Variants in SLC28A1 observed in about 807,000 individuals in gnomAD.
SLC28A1 encodes solute carrier family 28 member 1.
In SLC28A1, 64 loss-of-function variants were observed where a neutral mutation model predicts 74.8. The observed-to-expected ratio is 0.86, with a 90% CI of 0.70 to 1.05. The LOEUF (loss-of-function observed/expected upper bound fraction) is 1.05. Among genes scored for constraint, SLC28A1 ranks in the 50% least tolerant of loss-of-function variants. SLC28A1 has a pLI of 0.00. For synonymous variants in SLC28A1, 359 were observed against 335.0 expected (o/e 1.07, Z -0.78); for missense variants, 828 against 822.8 (o/e 1.01, Z -0.08).
intron 6 of SLC28A1, among the ~76,000 whole-genome samples, chr15:84,897,720 T>G (rs1966154777): frequency 2.0e-5 from 3 of 152,234 alleles, no homozygotes; most frequent in African/African-American, 7.2e-5. Context: ...TATCTGTCAC[T>G]AGGTCTTATT....
At chr15:84,910,668 C>T (rs143876036) in intron 9 of SLC28A1, among the ~76,000 whole-genome samples, 149 of 152,284 alleles carry the variant, frequency 9.8e-4, no homozygotes, top group East Asian at 6.4e-3. Context: ...GCAGAGGTTG[C>T]AGTGAGCTGA....
At chr15:84,906,591 T>C (rs1484874963) in intron 8 of SLC28A1, among the ~76,000 whole-genome samples, 1 of 139,952 alleles carries the variant, frequency 7.1e-6, no homozygotes, top group Non-Finnish European at 1.5e-5. Flanking sequence ...CCTTCCTTCC[T>C]TCCTTCCTTC....
chr15:84,968,919 G>A, the SLC28A1 span, among the ~76,000 whole-genome samples: 1 of 152,184 alleles, frequency 6.6e-6, no homozygotes, highest in Non-Finnish European at 1.5e-5. Context: ...GGTAAGGGGA[G>A]AGGGAAAGGA....
At chr15:84,884,843 G>A (rs1298593635) in intron 1 of SLC28A1, 92 bp downstream of exon 1, 2 of 653,690 alleles carry the variant, frequency 3.1e-6, no homozygotes, top group East Asian at 2.8e-4. Context: ...AAAGCAGGTA[G>A]CGTCCTTTTT....
chr15:84,922,617 G>A (rs974637668), intron 11 of SLC28A1, among the ~76,000 whole-genome samples: 3 of 152,048 alleles, frequency 2.0e-5, no homozygotes, highest in Non-Finnish European at 2.9e-5. Flanking sequence ...TCATACACCC[G>A]AGTGACCCTT....
chr15:84,953,577 A>T, the SLC28A1 span, among the ~76,000 whole-genome samples: 1 of 152,094 alleles, frequency 6.6e-6, no homozygotes, highest in Non-Finnish European at 1.5e-5. Context: ...TAAAAATTTA[A>T]AAATTAGCCC....
chr15:84,894,372 CA>C (rs11408601), intron 5 of SLC28A1, among the ~76,000 whole-genome samples: 152 of 134,266 alleles, frequency 1.1e-3, no homozygotes, highest in East Asian at 2.2e-3. Flanking sequence ...ACCCTATCTC[CA>C]AAAAAAAAAA....
At chr15:84,890,374 A>T in intron 4 of SLC28A1, 69 bp from the exon 5 acceptor site, 1 of 1,100,894 alleles carries the variant, frequency 9.1e-7, no homozygotes, top group Non-Finnish European at 1.3e-6. Context: ...ACCTGAGTGG[A>T]GGTGCTGAGG....
At chr15:84,914,229 C>A (rs149657909) in intron 9 of SLC28A1, among the ~76,000 whole-genome samples, 1 of 152,314 alleles carries the variant, frequency 6.6e-6, no homozygotes, top group South Asian at 2.1e-4. Flanking sequence ...GGATTACAGG[C>A]GTGAGCCACT....
chr15:84,932,575 A>T (rs1971446711), intron 12 of SLC28A1, among the ~76,000 whole-genome samples: 1 of 152,212 alleles, frequency 6.6e-6, no homozygotes, highest in Admixed American at 6.5e-5. Context: ...CGTCACAGTA[A>T]GCATTCAAAG....
intron 10 of SLC28A1, among the ~76,000 whole-genome samples, chr15:84,920,706 GT>G (rs1157187347): frequency 2.7e-5 from 4 of 150,922 alleles, no homozygotes; most frequent in Admixed American, 6.6e-5. Context: ...TCCAAGGGGT[GT>G]GTGTGTGTGT....
At chr15:84,923,168 C>T (rs898456126) in intron 11 of SLC28A1, among the ~76,000 whole-genome samples, 1 of 152,160 alleles carries the variant, frequency 6.6e-6, no homozygotes, top group Admixed American at 6.5e-5. Context: ...GAACTCCTGA[C>T]CTCAGCCAAT....
the SLC28A1 span, among the ~76,000 whole-genome samples, chr15:84,965,709 T>G: frequency 5.9e-5 from 9 of 152,206 alleles, no homozygotes; most frequent in African/African-American, 2.2e-4. Flanking sequence ...TTACTGGTTT[T>G]AGCACTAAGA....
chr15:84,895,970 A>T (rs2141694851), intron 6 of SLC28A1: 1 of 970,154 alleles, frequency 1.0e-6, no homozygotes, highest in South Asian at 4.7e-5. Context: ...GAACACATTT[A>T]AAATTTTATT....
chr15:84,894,980 C>T lies in SLC28A1; in HGVS notation c.318C>T (p.Phe106=). ...AFLLVACLLD[F]QRALALFVLT... ...TGCTGGTGGCCTGCCTCCTGGATTT[C>T]CAGAGGGCCCTGGCTCTGTTTGTCC... Residue 106 remains phenylalanine (F), a synonymous_variant, in exon 6 of 19, where the codon TTC becomes TTT. Coordinates refer to ENST00000394573, the MANE Select transcript of SLC28A1 (RefSeq NM_004213.5). 1 of 1,614,184 alleles carries T rather than the reference C, an allele frequency of 6.2e-7. No individual in the cohort carries two copies. The highest frequency in any genetic ancestry group is 1.1e-5 in the South Asian group (1 of 91,080).
chr15:84,950,495 G>A (rs62022519), downstream of SLC28A1, among the ~76,000 whole-genome samples: 45,427 of 151,694 alleles, frequency 0.3, 8,291 homozygotes, highest in Middle Eastern at 0.44. Context: ...AGGCTGAGGT[G>A]GGAAGAGTTC....
intron 15 of SLC28A1, among the ~76,000 whole-genome samples, chr15:84,943,006 G>A (rs753953802): frequency 2.2e-4 from 33 of 152,106 alleles, no homozygotes; most frequent in Non-Finnish European, 4.0e-4. Flanking sequence ...CCAACATGGC[G>A]AAACCCCATC....
At chr15:84,970,447 C>T in the SLC28A1 span, among the ~76,000 whole-genome samples, 1 of 152,112 alleles carries the variant, frequency 6.6e-6, no homozygotes, top group Non-Finnish European at 1.5e-5. Context: ...AGGGTCTATA[C>T]AGGACAGGAA....
At chr15:84,969,882 T>C in the SLC28A1 span, among the ~76,000 whole-genome samples, 1 of 151,974 alleles carries the variant, frequency 6.6e-6, no homozygotes, top group African/African-American at 2.4e-5. Flanking sequence ...ATTTCTTTCT[T>C]TGAAAACAGA....
Sources: allele counts gnomAD v4.1 joint callset (sites outside exome capture counted in the v4.1 genomes callset), GRCh38; gene constraint gnomAD v4.1.1; transcripts MANE v1.5; gene names NCBI Gene and HGNC (gene_info 2026-07-23, HGNC 2026-07-21).